ADARB2: variants seen among roughly 807,000 people sequenced by gnomAD.
The protein encoded by ADARB2 is inactive double-stranded RNA-specific editase B2.
ADARB2 carries 25 observed loss-of-function variants against 62.2 expected under a neutral mutation model. That is an observed-to-expected ratio of 0.40 (90% confidence interval 0.29 to 0.56). ADARB2 has a LOEUF of 0.56. Among genes scored for constraint, ADARB2 ranks in the 20% least tolerant of loss-of-function variants. ADARB2 has a pLI of 0.43. For missense variants in ADARB2, 1,071 were observed against 1,077.4 expected (o/e 0.99, Z 0.08); for synonymous variants, 572 against 500.8 (o/e 1.14, Z -1.90).
chr10:1,223,959 C>T (rs892827609), intron 6 of ADARB2, among the ~76,000 whole-genome samples: 12 of 152,134 alleles, frequency 7.9e-5, no homozygotes, highest in Non-Finnish European at 1.3e-4. Context: ...GGGAGGATTC[C>T]CTCTTTTTCT....
intron 3 of ADARB2, among the ~76,000 whole-genome samples, chr10:1,304,100 A>T (rs1831602112): frequency 6.6e-6 from 1 of 151,092 alleles, no homozygotes; most frequent in South Asian, 2.1e-4. Context: ...AAGAGTCAAG[A>T]CCCATCAGTG....
intron 1 of ADARB2, among the ~76,000 whole-genome samples, chr10:1,640,920 G>T (rs1248806835): frequency 1.3e-5 from 2 of 152,192 alleles, no homozygotes; most frequent in Non-Finnish European, 2.9e-5. Context: ...GCTGGACAAA[G>T]CTGCCCTGTG....
At chr10:1,732,922 G>T (rs940314916) in intron 1 of ADARB2, among the ~76,000 whole-genome samples, 1 of 152,186 alleles carries the variant, frequency 6.6e-6, no homozygotes, top group Admixed American at 6.5e-5. Flanking sequence ...CAACCTGCCC[G>T]TTCTCCACAC....
At chr10:1,585,033 C>T (rs989290045) in intron 1 of ADARB2, among the ~76,000 whole-genome samples, 1 of 151,968 alleles carries the variant, frequency 6.6e-6, no homozygotes, top group Non-Finnish European at 1.5e-5. Flanking sequence ...ATGGTGGATA[C>T]ATGCCATTGT....
At chr10:1,690,947 C>A (rs896696175) in intron 1 of ADARB2, among the ~76,000 whole-genome samples, 2 of 152,322 alleles carry the variant, frequency 1.3e-5, no homozygotes, top group Admixed American at 1.3e-4. Context: ...GGCAGGTTTG[C>A]CCCTGCCTGC....
At chr10:1,419,883 A>T (rs1047994387) in intron 1 of ADARB2, among the ~76,000 whole-genome samples, 1 of 152,218 alleles carries the variant, frequency 6.6e-6, no homozygotes, top group African/African-American at 2.4e-5. Flanking sequence ...AATCAAAGTG[A>T]TTCAGTTCTG....
At chr10:1,536,614 G>A (rs1466020436) in intron 1 of ADARB2, among the ~76,000 whole-genome samples, 1 of 152,272 alleles carries the variant, frequency 6.6e-6, no homozygotes, top group Non-Finnish European at 1.5e-5. Flanking sequence ...TAGCTTATAT[G>A]TTTATTTTCT....
At chr10:1,673,655 G>A (rs374459875) in intron 1 of ADARB2, among the ~76,000 whole-genome samples, 12 of 152,338 alleles carry the variant, frequency 7.9e-5, no homozygotes, top group African/African-American at 2.4e-4. Flanking sequence ...CTACGGGAAC[G>A]TCGGATCATA....
chr10:1,696,613 C>G (rs956087613), intron 1 of ADARB2, among the ~76,000 whole-genome samples: 1 of 152,222 alleles, frequency 6.6e-6, no homozygotes, highest in Non-Finnish European at 1.5e-5. Context: ...TCCTGTTGAA[C>G]TCCCAGTGTC....
intron 1 of ADARB2, among the ~76,000 whole-genome samples, chr10:1,658,339 A>G (rs908510204): frequency 1.4e-5 from 2 of 144,034 alleles, no homozygotes; most frequent in South Asian, 4.5e-4. Flanking sequence ...CTCTGTCTCT[A>G]TCTGATTCTC....
chr10:1,380,933 C>T (rs1832477388), intron 1 of ADARB2, among the ~76,000 whole-genome samples: 1 of 152,138 alleles, frequency 6.6e-6, no homozygotes, highest in Non-Finnish European at 1.5e-5. Flanking sequence ...AGTAGGGCTA[C>T]CAGCCAAACA....
intron 2 of ADARB2, among the ~76,000 whole-genome samples, chr10:1,366,970 A>T (rs1406631622): frequency 1.3e-5 from 2 of 152,236 alleles, no homozygotes; most frequent in Non-Finnish European, 2.9e-5. Context: ...GTGCGGCTGG[A>T]TGTTGACACG....
At chr10:1,710,017 G>A (rs531540728) in intron 1 of ADARB2, among the ~76,000 whole-genome samples, 13 of 152,146 alleles carry the variant, frequency 8.5e-5, no homozygotes, top group African/African-American at 2.7e-4. Context: ...CAGTCCCCTC[G>A]CAGGGCTAAT....
At chr10:1,262,961 A>G (rs139819472) in intron 4 of ADARB2, among the ~76,000 whole-genome samples, 1,540 of 152,180 alleles carry the variant, frequency 0.01, 14 homozygotes, top group African/African-American at 0.028. Context: ...ATAAAAAATG[A>G]TAAGTCTATG....
chr10:1,233,092 C>T (rs1347965224), intron 6 of ADARB2, among the ~76,000 whole-genome samples: 2 of 152,110 alleles, frequency 1.3e-5, no homozygotes, highest in Non-Finnish European at 2.9e-5. Flanking sequence ...GAGAGCCCCA[C>T]CCTGCCCCAC....
rs1035768716 is a variant in ADARB2 at position 1,378,968 on chromosome 10, A to G, written c.187+106T>C. ...TGTCTCTCCAGGTAAGACCAAACAG[A>G]CCCTCCCAGATGACCCCAGGTATCT... is the stretch of plus-strand genomic sequence containing the variant. On this transcript the variant is annotated intron_variant, in intron 2 of 9. Coordinates refer to ENST00000381312, the MANE Select transcript of ADARB2 (RefSeq NM_018702.4). 5 of 921,556 alleles carry G rather than the reference A, an allele frequency of 5.4e-6. No homozygotes were observed. The African/African-American group carries it at 8.2e-5, about 15-fold the overall frequency. 57.1% of individuals were successfully genotyped at this position (921,556 alleles called of 1,614,324 possible). A position where few individuals can be genotyped will look rare whatever the true frequency, so the allele number is the denominator to read the frequency against.
At chr10:1,351,989 T>C (rs1239130020) in intron 3 of ADARB2, among the ~76,000 whole-genome samples, 1 of 150,280 alleles carries the variant, frequency 6.7e-6, no homozygotes, top group Non-Finnish European at 1.5e-5. Flanking sequence ...TCAAACATGC[T>C]TTCTTTACTA....
At chr10:1,217,173 G>A in intron 6 of ADARB2, 54 bp from the exon 7 acceptor site, 1 of 1,475,176 alleles carries the variant, frequency 6.8e-7, no homozygotes, top group Non-Finnish European at 9.1e-7. Context: ...CCTTGGTTTT[G>A]GGAGGTGGGA....
Position 1,363,194 on chromosome 10 carries a change from C to T in ADARB2, c.911G>A (p.Arg304Gln). The change falls in exon 3 of 10, where the codon CGG becomes CAG. Residue 304 changes from arginine (R) to glutamine (Q), a missense_variant. Coordinates refer to ENST00000381312, the MANE Select transcript of ADARB2 (RefSeq NM_018702.4). Reference sequence around the variant, plus strand: ...CACGCTCACGGCCATCACGAAGCTCCGCGCGCGCCGCTCGGCCGGTTCTGC... The same window carrying T: ...CACGCTCACGGCCATCACGAAGCTCTGCGCGCGCCGCTCGGCCGGTTCTGC... The part of the protein sequence containing the change: ...CLAEPAERRA[R>Q]SFVMAVSVDG... 1.3e-6 allele frequency: 2 copies of T among 1,494,934 alleles called. No individual in the cohort carries two copies. Among genetic ancestry groups the T allele is most frequent in the Non-Finnish European group, 1.8e-6 (2 of 1,126,560 alleles). The allele number at this position is 1,494,934 out of a possible 1,614,324, so 92.6% of individuals were successfully genotyped here.
Sources: gnomAD v4.1 joint callset for allele counts (sites outside exome capture counted in the v4.1 genomes callset) on GRCh38, gnomAD v4.1.1 for gene constraint, MANE v1.5 for transcripts, NCBI Gene and HGNC (gene_info 2026-07-23, HGNC 2026-07-21) for gene names.